The following C2CD5 variants were observed in gnomAD, a reference collection of about 807,000 sequenced individuals.
The protein encoded by C2CD5 is C2 calcium dependent domain containing 5, also known as C2 domain-containing protein 5.
C2CD5 carries 109 observed loss-of-function variants against 130.3 expected under a neutral mutation model. The observed-to-expected ratio is 0.84, with a 90% CI of 0.72 to 0.98. The LOEUF is 0.98. Among genes scored for constraint, C2CD5 ranks in the 50% least tolerant of loss-of-function variants. The probability of loss-of-function intolerance (pLI) is 0.00; values close to 1 mark genes in which losing one functional copy is unlikely to be tolerated. For synonymous variants in C2CD5, 454 were observed against 429.2 expected (o/e 1.06, Z -0.71); for missense variants, 996 against 1,261.8 (o/e 0.79, Z 3.19).
At chr12:22,543,726 ATGTG>A (rs1425079166) in intron 2 of C2CD5, among the ~76,000 whole-genome samples, 1 of 117,154 alleles carries the variant, frequency 8.5e-6, no homozygotes, top group Non-Finnish European at 1.7e-5. Context: ...GTGTGTGTGT[ATGTG>A]TGTGAGTGTG....
intron 10 of C2CD5, among the ~76,000 whole-genome samples, chr12:22,497,237 G>A (rs922097078): frequency 2.0e-5 from 3 of 152,056 alleles, no homozygotes. Flanking sequence ...TTAAAGCAGA[G>A]TGACTATAGT....
At chr12:22,468,020 T>C (rs948555186) in intron 22 of C2CD5, among the ~76,000 whole-genome samples, 5 of 151,688 alleles carry the variant, frequency 3.3e-5, no homozygotes, top group East Asian at 1.9e-4. Context: ...ACAAATACCT[T>C]TTCCTACAGA....
intron 8 of C2CD5, among the ~76,000 whole-genome samples, chr12:22,514,023 A>G (rs1591935464): frequency 1.3e-5 from 2 of 152,298 alleles, no homozygotes; most frequent in East Asian, 3.9e-4. Context: ...ACAAATGTAC[A>G]TAGTTATGAA....
At chr12:22,483,071 C>T (rs945785892) in intron 13 of C2CD5, among the ~76,000 whole-genome samples, 3 of 151,954 alleles carry the variant, frequency 2.0e-5, no homozygotes, top group African/African-American at 4.8e-5. Flanking sequence ...AGGATAAATG[C>T]GTGAGGGGAT....
chr12:22,478,070 CAATA>C (rs776633426), intron 15 of C2CD5: 131 of 447,878 alleles, frequency 2.9e-4, no homozygotes, highest in South Asian at 4.7e-4. Flanking sequence ...CTATAGAAAA[CAATA>C]AAAGAGGGAA....
chr12:22,485,019 A>T lies in C2CD5; in HGVS notation c.1359-131T>A, dbSNP rs770511979. On this transcript the variant is annotated intron_variant, in intron 12 of 26. Transcript: ENST00000446597. ...TCCAACTTCTACTGCTGTAGGCTACAAAAGTACCACTAAGGCTGATAAGAA... is the reference window on the plus strand; with the variant it reads ...TCCAACTTCTACTGCTGTAGGCTACTAAAGTACCACTAAGGCTGATAAGAA... 396 of 433,200 alleles carry T rather than the reference A, an allele frequency of 9.1e-4. 2 individuals carry two copies. In the Middle Eastern group the frequency reaches 0.011, roughly 12 times the overall value. 26.8% of individuals were successfully genotyped at this position (433,200 alleles called of 1,614,324 possible).
intron 3 of C2CD5, among the ~76,000 whole-genome samples, chr12:22,533,392 T>C (rs1005956945): frequency 1.3e-5 from 2 of 152,242 alleles, no homozygotes; most frequent in African/African-American, 4.8e-5. Flanking sequence ...ATAAGCAGTC[T>C]GTAAATGAGA....
In C2CD5 at chr12:22,472,790, G is replaced by A; in HGVS notation, c.2061C>T (p.Ala687=). 1 of 1,569,386 alleles carries A rather than the reference G, an allele frequency of 6.4e-7. No homozygotes were observed. Among genetic ancestry groups the A allele is most frequent in the Non-Finnish European group, 8.8e-7 (1 of 1,139,766 alleles). ...AFVLEIDDTD[A]MEDVHSLLTD... ...TAAGTAGAGAATGGACATCTTCCAT[G>A]GCATCTGTGTCATCAATCTTAAAAT... Residue 687 remains alanine, a synonymous_variant, in exon 17 of 27, where the codon GCC becomes GCT. Transcript: ENST00000446597.
chr12:22,492,834 T>C (rs77882437), intron 11 of C2CD5, among the ~76,000 whole-genome samples: 2,883 of 152,226 alleles, frequency 0.019, 33 homozygotes, highest in South Asian at 0.05. Context: ...TAAAGACACA[T>C]TGCAATTCGT....
intron 11 of C2CD5, among the ~76,000 whole-genome samples, chr12:22,490,494 G>T (rs1946199769): frequency 6.6e-6 from 1 of 151,722 alleles, no homozygotes; most frequent in Non-Finnish European, 1.5e-5. Flanking sequence ...AATATGGCAA[G>T]GCTGAAAGAA....
At chr12:22,517,520 C>T (rs1949855620) in intron 8 of C2CD5, among the ~76,000 whole-genome samples, 1 of 151,846 alleles carries the variant, frequency 6.6e-6, no homozygotes, top group African/African-American at 2.4e-5. Flanking sequence ...ATTTTAAATA[C>T]CCAGTTAATA....
chr12:22,508,994 A>G (rs1948886700), intron 9 of C2CD5, among the ~76,000 whole-genome samples: 1 of 150,664 alleles, frequency 6.6e-6, no homozygotes, highest in Non-Finnish European at 1.5e-5. Flanking sequence ...CTCCTGCCTC[A>G]GCCTCCCGAG....
intron 15 of C2CD5, chr12:22,477,203 T>C (rs1186819654): frequency 1.3e-5 from 2 of 152,172 alleles, no homozygotes; most frequent in African/African-American, 4.8e-5. Context: ...AAAATATTCA[T>C]ATTTTACACT....
chr12:22,493,882 A>C (rs534860832), intron 10 of C2CD5, among the ~76,000 whole-genome samples: 2 of 152,080 alleles, frequency 1.3e-5, no homozygotes, highest in East Asian at 3.9e-4. Context: ...AAATACAAGA[A>C]ATTAGAGACT....
At position 22,512,455 on chromosome 12, in the gene C2CD5, T is replaced by C. The variant is rs527904697; in HGVS notation, c.1038+839A>G. On this transcript the variant is annotated intron_variant, in intron 9 of 26. Transcript: ENST00000446597. The stretch of plus-strand genomic sequence containing the variant: ...AATTACTGACATGACATATATAACA[T>C]GCACCATATTAGTTAGTAGAAAAAA... Among the ~76,000 whole-genome samples the C allele has an allele frequency of 3.5e-4, 53 of 151,350 alleles. 1 individual carries two copies. The South Asian group carries it at 7.7e-3, about 22-fold the overall frequency.
chr12:22,473,874 C>G (rs186251145), intron 16 of C2CD5, among the ~76,000 whole-genome samples: 1 of 152,108 alleles, frequency 6.6e-6, no homozygotes, highest in South Asian at 2.1e-4. Context: ...AGATATTTTC[C>G]ATGACATATT....
intron 2 of C2CD5, among the ~76,000 whole-genome samples, chr12:22,543,451 T>C (rs1019870810): frequency 6.6e-6 from 1 of 152,274 alleles, no homozygotes; most frequent in Non-Finnish European, 1.5e-5. Context: ...GTTGCAGTTG[T>C]GTTTTAGAAC....
At chr12:22,511,620 T>C (rs1949210942) in intron 9 of C2CD5, among the ~76,000 whole-genome samples, 1 of 152,228 alleles carries the variant, frequency 6.6e-6, no homozygotes, top group African/African-American at 2.4e-5. Context: ...AATGTGTAAA[T>C]GTGTCCAAAA....
chr12:22,489,816 A>G (rs1946101546), intron 12 of C2CD5, among the ~76,000 whole-genome samples: 1 of 152,164 alleles, frequency 6.6e-6, no homozygotes, highest in East Asian at 1.9e-4. Flanking sequence ...AAGGAAGAGA[A>G]AGATCCAAAG....
Sources: allele counts gnomAD v4.1 joint callset (sites outside exome capture counted in the v4.1 genomes callset), GRCh38; gene constraint gnomAD v4.1.1; transcripts MANE v1.5; gene names NCBI Gene and HGNC (gene_info 2026-07-23, HGNC 2026-07-21).